The following GRK5 variants were observed in gnomAD, a reference collection of about 807,000 sequenced individuals.
The protein encoded by GRK5 is g protein-coupled receptor kinase GRK5.
GRK5 carries 40 observed loss-of-function variants against 78.4 expected under a neutral mutation model. That is an observed-to-expected ratio of 0.51 (90% confidence interval 0.40 to 0.66). The LOEUF (loss-of-function observed/expected upper bound fraction) is 0.66, where lower values mean the gene tolerates loss of function less well. Among genes scored for constraint, GRK5 ranks in the 30% least tolerant of loss-of-function variants. The pLI is 0.00. For synonymous variants in GRK5, 289 were observed against 296.8 expected (o/e 0.97, Z 0.27); for missense variants, 598 against 759.9 (o/e 0.79, Z 2.50).
intron 1 of GRK5, among the ~76,000 whole-genome samples, chr10:119,317,395 G>A (rs1850507950): frequency 6.6e-6 from 1 of 151,644 alleles, no homozygotes; most frequent in South Asian, 2.1e-4. Context: ...CCCAAAATAG[G>A]TGTGAGGCTT....
Position 119,271,085 on chromosome 10 carries a change from A to G in GRK5, c.53-55431A>G, listed in dbSNP as rs1849575593. Among the ~76,000 whole-genome samples the G allele has an allele frequency of 1.3e-5, 2 of 152,212 alleles. No homozygotes were observed. Among genetic ancestry groups the G allele is most frequent in the African/African-American group, 4.8e-5 (2 of 41,454 alleles). ...ACAGGACCCGCCTAGAAGTGACTGA[A>G]TAGCAGACCGGGCTTTCGTAAGTAA... is the stretch of plus-strand genomic sequence containing the variant. On this transcript the variant is annotated intron_variant, in intron 1 of 15. Coordinates refer to ENST00000392870, the MANE Select transcript of GRK5 (RefSeq NM_005308.3). This position sits in a 1 kb window ranked among gnomAD's most constrained non-coding sequence, Gnocchi z 4.1.
At chr10:119,449,173 G>A (rs896852939) in intron 13 of GRK5, among the ~76,000 whole-genome samples, 3 of 136,302 alleles carry the variant, frequency 2.2e-5, no homozygotes, top group East Asian at 2.2e-4. Context: ...GCTTTGCGTC[G>A]GTAGCTTACA....
chr10:119,342,933 C>T (rs1452004821), intron 2 of GRK5, among the ~76,000 whole-genome samples: 6 of 152,178 alleles, frequency 3.9e-5, no homozygotes, highest in Non-Finnish European at 7.3e-5. Flanking sequence ...CTTCTGCCTC[C>T]AGGCAGGAGG....
intron 1 of GRK5, among the ~76,000 whole-genome samples, chr10:119,219,793 A>C (rs1038371611): frequency 6.6e-6 from 1 of 152,186 alleles, no homozygotes; most frequent in African/African-American, 2.4e-5. Context: ...TTTGGGGCAA[A>C]CAGTTCTCCC....
At chr10:119,274,335 G>A (rs1365376336) in intron 1 of GRK5, among the ~76,000 whole-genome samples, 6 of 152,172 alleles carry the variant, frequency 3.9e-5, no homozygotes, top group African/African-American at 9.7e-5. Flanking sequence ...TAGAGCTAGC[G>A]ACTGATAAGT....
At chr10:119,353,924 TTTTC>T (rs892574904) in intron 2 of GRK5, among the ~76,000 whole-genome samples, 1 of 139,408 alleles carries the variant, frequency 7.2e-6, no homozygotes, top group African/African-American at 2.6e-5. Context: ...GCAATCCATT[TTTTC>T]TTTCTTTTTT....
chr10:119,344,921 C>G (rs1469990586), intron 2 of GRK5, among the ~76,000 whole-genome samples: 1 of 139,248 alleles, frequency 7.2e-6, no homozygotes, highest in South Asian at 2.3e-4. Flanking sequence ...TTCCTTCCTT[C>G]CTTCCTTCCT....
chr10:119,348,424 G>A (rs1028094876), intron 2 of GRK5, among the ~76,000 whole-genome samples: 28 of 152,208 alleles, frequency 1.8e-4, no homozygotes, highest in Non-Finnish European at 7.3e-5. Context: ...CGTTAGAAAC[G>A]AAGGGGAGAA....
At chr10:119,439,131 G>A (rs574954771) in intron 9 of GRK5, among the ~76,000 whole-genome samples, 2 of 152,372 alleles carry the variant, frequency 1.3e-5, no homozygotes, top group South Asian at 2.1e-4. Flanking sequence ...GAATGCAGAG[G>A]CTCCCTTACT....
chr10:119,452,296 C>T lies in GRK5; in HGVS notation c.1405-375C>T, dbSNP rs1292761549. 6.6e-6 allele frequency among the ~76,000 whole-genome samples: 1 copy of T among 152,196 alleles called. No homozygotes were observed. The highest frequency in any genetic ancestry group is 2.4e-5 in the African/African-American group (1 of 41,442). On this transcript the variant is annotated intron_variant, in intron 13 of 15. Coordinates refer to ENST00000392870, the MANE Select transcript of GRK5 (RefSeq NM_005308.3). This position sits in a 1 kb window ranked among gnomAD's most constrained non-coding sequence, Gnocchi z 4.4. ...GCTGGGACTCTAGCCCACGTCTGTC[C>T]AGTATGGGTAAGGGAGTGATGGCAG...
At chr10:119,289,836 G>A (rs762957189) in intron 1 of GRK5, among the ~76,000 whole-genome samples, 3 of 152,198 alleles carry the variant, frequency 2.0e-5, no homozygotes, top group Non-Finnish European at 4.4e-5. Flanking sequence ...TCCTATCAGG[G>A]TTAGGGAGGT....
intron 1 of GRK5, among the ~76,000 whole-genome samples, chr10:119,255,038 C>CAG (rs775756295): frequency 3.5e-5 from 4 of 113,760 alleles, no homozygotes; most frequent in African/African-American, 1.4e-4. Flanking sequence ...GACTCAGTCT[C>CAG]AAAAAAAAAA....
chr10:119,259,504 T>G (rs1849338366), intron 1 of GRK5, among the ~76,000 whole-genome samples: 1 of 152,230 alleles, frequency 6.6e-6, no homozygotes, highest in Admixed American at 6.5e-5. Flanking sequence ...AAAAATTGGT[T>G]GGTGAGTTAG....
chr10:119,446,547 C>G (rs527431929), intron 12 of GRK5, among the ~76,000 whole-genome samples: 235 of 150,848 alleles, frequency 1.6e-3, no homozygotes, highest in African/African-American at 5.5e-3. Context: ...AGACTTGCCT[C>G]TGAGGGACTG....
intron 1 of GRK5, among the ~76,000 whole-genome samples, chr10:119,272,444 C>T (rs991236941): frequency 6.6e-6 from 1 of 151,900 alleles, no homozygotes; most frequent in Non-Finnish European, 1.5e-5. Context: ...GGCATGATGG[C>T]GGGTGACTAT....
In GRK5 at chr10:119,440,707, C is replaced by T. The variant is rs567304293; in HGVS notation, c.967+939C>T. Among the ~76,000 whole-genome samples the T allele has an allele frequency of 7.9e-5, 12 of 152,276 alleles. No homozygotes were observed. The South Asian group carries it at 2.1e-3, about 26-fold the overall frequency. The stretch of plus-strand genomic sequence containing the variant: ...CTGAGATTACAGGCACGTGCCACCA[C>T]GCCCGGCTAATTTTTGTATCTTTGG... On this transcript the variant is annotated intron_variant, in intron 10 of 15. Transcript: ENST00000392870.
intron 1 of GRK5, among the ~76,000 whole-genome samples, chr10:119,240,389 G>T (rs1849005240): frequency 6.6e-6 from 1 of 151,524 alleles, no homozygotes; most frequent in South Asian, 2.1e-4. Flanking sequence ...TTTTAGTAGA[G>T]ACGGGGTTTC....
intron 2 of GRK5, among the ~76,000 whole-genome samples, chr10:119,376,767 A>G (rs1851627933): frequency 6.6e-6 from 1 of 152,036 alleles, no homozygotes; most frequent in East Asian, 1.9e-4. Flanking sequence ...GGGTTTCACT[A>G]TGTTAGCCAG....
chr10:119,210,018 CA>C (rs1261709675), intron 1 of GRK5, among the ~76,000 whole-genome samples: 1 of 152,188 alleles, frequency 6.6e-6, no homozygotes, highest in East Asian at 1.9e-4. Context: ...GTTAGGCCAA[CA>C]AATTGGGTTT....
Sources: gnomAD v4.1 joint callset for allele counts (sites outside exome capture counted in the v4.1 genomes callset) on GRCh38, gnomAD v4.1.1 for gene constraint, Gnocchi (gnomAD v3.1) non-coding constraint, MANE v1.5 for transcripts, NCBI Gene and HGNC (gene_info 2026-07-23, HGNC 2026-07-21) for gene names.